Variants in DAG1 observed in about 807,000 individuals in gnomAD.
The protein encoded by DAG1 is dystroglycan 1 (dystrophin-associated glycoprotein 1).
Under a neutral mutation model 46.1 loss-of-function variants are expected in DAG1, and 8 were observed. The ratio of observed to expected loss-of-function variants is 0.17; its 90% confidence interval spans 0.10 to 0.31. DAG1 has a LOEUF of 0.31. Ranked by LOEUF, DAG1 falls within the 10% of genes least tolerant of loss-of-function variation. The probability of loss-of-function intolerance (pLI) is 1.00; values close to 1 mark genes in which losing one functional copy is unlikely to be tolerated. For synonymous variants in DAG1, 495 were observed against 481.8 expected (o/e 1.03, Z -0.36); for missense variants, 1,003 against 1,189.9 (o/e 0.84, Z 2.31).
intron 1 of DAG1, among the ~76,000 whole-genome samples, chr3:49,504,963 G>GTCGTCT (rs1559561022): frequency 8.3e-6 from 1 of 119,770 alleles, no homozygotes. Context: ...CACCATTACA[G>GTCGTCT]TCTTCTTCTT....
chr3:49,530,952 G>T lies in DAG1; in HGVS notation c.441G>T (p.Gln147His), dbSNP rs2051324663. The stretch of plus-strand genomic sequence containing the variant: ...GGGCCAACGGGAGCCACATCCCCCA[G>T]ACCTCCAGTGTGTTCTCCATCGAGG... ...RLGANGSHIP[Q>H]TSSVFSIEVY... The change falls in exon 3 of 3, where the codon CAG becomes CAT. Residue 147 changes from glutamine to histidine, a missense_variant. Gln to His is a conservative substitution (Grantham distance 24). Around this residue, in one of 3 missense-constraint regions of DAG1, gnomAD observed 196 missense variants for 239.1 expected, o/e 0.82. Transcript: ENST00000308775. The T allele has an allele frequency of 6.2e-7, 1 of 1,614,146 alleles. No individual in the cohort carries two copies. The highest frequency in any genetic ancestry group is 8.5e-7 in the Non-Finnish European group (1 of 1,180,006).
chr3:49,472,459 G>A (rs982159658), intron 1 of DAG1, among the ~76,000 whole-genome samples: 3 of 152,144 alleles, frequency 2.0e-5, no homozygotes, highest in African/African-American at 7.2e-5. Context: ...GGACCACTTA[G>A]GGACCACTTA....
chr3:49,510,839 A>G lies in DAG1; in HGVS notation c.285+20A>G, dbSNP rs780990118. On this transcript the variant is annotated intron_variant, in intron 2 of 2. Transcript: ENST00000308775. ...ATCAAGGTGAGACTGGATATAAAGC[A>G]TAAATGAGGAAGAGTTCTCATTTTC... 8 of 1,613,722 alleles carry G rather than the reference A, an allele frequency of 5.0e-6. No homozygotes were observed. Among genetic ancestry groups the G allele is most frequent in the East Asian group, 4.5e-5 (2 of 44,884 alleles).
At chr3:49,529,212 A>T (rs1183806929) in intron 2 of DAG1, among the ~76,000 whole-genome samples, 1 of 151,904 alleles carries the variant, frequency 6.6e-6, no homozygotes, top group African/African-American at 2.4e-5. Flanking sequence ...TTTTTTTTGA[A>T]ATAGAGATGG....
In DAG1 at chr3:49,514,748, C is replaced by A. The variant is rs545369739; in HGVS notation, c.285+3929C>A. 3.6e-4 allele frequency among the ~76,000 whole-genome samples: 54 copies of A among 151,516 alleles called. No individual in the cohort carries two copies. The South Asian group carries it at 9.8e-3, about 28-fold the overall frequency. ...CCGCCTCCCGGGTTCAAGCGATTCTCCTGCCTCAGCCTCCTGAGTAGCTGG... is the reference window on the plus strand; with the variant it reads ...CCGCCTCCCGGGTTCAAGCGATTCTACTGCCTCAGCCTCCTGAGTAGCTGG... On this transcript the variant is annotated intron_variant, in intron 2 of 2. Transcript: ENST00000308775.
intron 1 of DAG1, among the ~76,000 whole-genome samples, chr3:49,490,822 A>T (rs995708116): frequency 6.7e-6 from 1 of 149,438 alleles, no homozygotes; most frequent in Admixed American, 6.7e-5. Context: ...TGCCCTTCTC[A>T]GCCTCCCAAA....
chr3:49,526,209 G>T (rs1171021234), intron 2 of DAG1, among the ~76,000 whole-genome samples: 1 of 152,154 alleles, frequency 6.6e-6, no homozygotes, highest in African/African-American at 2.4e-5. Context: ...AGCACTAGGG[G>T]GGTGGTACTA....
chr3:49,487,653 C>T (rs2050070434), intron 1 of DAG1, among the ~76,000 whole-genome samples: 1 of 148,174 alleles, frequency 6.7e-6, no homozygotes, highest in African/African-American at 2.5e-5. Flanking sequence ...AACAGTACTA[C>T]ATATTTGTTA....
chr3:49,483,682 TTTG>T (rs774447121), intron 1 of DAG1, among the ~76,000 whole-genome samples: 10 of 114,038 alleles, frequency 8.8e-5, no homozygotes, highest in Non-Finnish European at 1.5e-4. Flanking sequence ...TTGTGTTTTC[TTTG>T]TTTTTTGAGA....
At chr3:49,511,121 G>A (rs1559565131) in intron 2 of DAG1, 1 of 371,366 alleles carries the variant, frequency 2.7e-6, no homozygotes, top group Non-Finnish European at 3.7e-6. Context: ...ATAGGGAAAG[G>A]TTACCTTTAA....
rs199654893 is a variant in DAG1, at chr3:49,530,973, C to G, written c.462C>G (p.Ile154Met). The change falls in exon 3 of 3, where the codon ATC (isoleucine) becomes ATG (methionine). Residue 154 changes from isoleucine (I) to methionine (M), a missense_variant. By Grantham distance (10) the Ile-to-Met change is conservative. Transcript: ENST00000308775. The part of the protein sequence containing the change: ...HIPQTSSVFS[I>M]EVYPEDHSEL... ...CCCAGACCTCCAGTGTGTTCTCCATCGAGGTCTACCCTGAAGACCACAGTG... is the reference window on the plus strand; with the variant it reads ...CCCAGACCTCCAGTGTGTTCTCCATGGAGGTCTACCCTGAAGACCACAGTG... 2 of 1,614,144 alleles carry G rather than the reference C, an allele frequency of 1.2e-6. No homozygotes were observed. The highest frequency in any genetic ancestry group is 1.7e-5 in the Admixed American group (1 of 60,020).
At chr3:49,478,583 G>A (rs1286468308) in intron 1 of DAG1, among the ~76,000 whole-genome samples, 3 of 106,340 alleles carry the variant, frequency 2.8e-5, no homozygotes, top group Non-Finnish European at 5.3e-5. Flanking sequence ...TTGCCATGTT[G>A]CCCACGCTGG....
intron 1 of DAG1, among the ~76,000 whole-genome samples, chr3:49,486,126 G>T (rs2050017088): frequency 6.6e-6 from 1 of 151,988 alleles, no homozygotes; most frequent in Non-Finnish European, 1.5e-5. Context: ...CAGAAGCCAG[G>T]GTGGTGAGGG....
At position 49,532,543 on chromosome 3, in the gene DAG1, A is replaced by C; in HGVS notation, c.2032A>C (p.Ser678Arg). 1 of 1,613,594 alleles carries C rather than the reference A, an allele frequency of 6.2e-7. No homozygotes were observed. Among genetic ancestry groups the C allele is most frequent in the African/African-American group, 1.3e-5 (1 of 75,040 alleles). ...PCPKEQIAGL[S>R]RRIAEDDGKP... Reference sequence around the variant, plus strand: ...CCCCAAGGAGCAGATCGCTGGGCTGAGCCGCCGGATCGCTGAGGATGATGG... The same window carrying C: ...CCCCAAGGAGCAGATCGCTGGGCTGCGCCGCCGGATCGCTGAGGATGATGG... The change falls in exon 3 of 3, where the codon AGC becomes CGC. Residue 678 changes from serine (S) to arginine (R), a missense_variant. Ser to Arg is a moderately radical substitution (Grantham distance 110). Transcript: ENST00000308775. The surrounding 1 kb of genome is among the most constrained non-coding windows in gnomAD (Gnocchi z 5.4).
At chr3:49,472,343 G>C (rs775660288) in intron 1 of DAG1, among the ~76,000 whole-genome samples, 1 of 152,110 alleles carries the variant, frequency 6.6e-6, no homozygotes, top group Admixed American at 6.6e-5. Context: ...GCATGGGCCA[G>C]AAGACCAAGC....
intron 1 of DAG1, among the ~76,000 whole-genome samples, chr3:49,502,729 C>T (rs1299532240): frequency 6.6e-6 from 1 of 151,402 alleles, no homozygotes; most frequent in African/African-American, 2.4e-5. Flanking sequence ...AGCTCCGCCT[C>T]CCGGGTTCAC....
intron 1 of DAG1, among the ~76,000 whole-genome samples, chr3:49,478,308 A>G (rs1295157023): frequency 2.0e-5 from 3 of 150,076 alleles, no homozygotes; most frequent in Non-Finnish European, 4.4e-5. Context: ...AGTGGAAAGA[A>G]AAGAGAAAAG....
intron 1 of DAG1, among the ~76,000 whole-genome samples, chr3:49,471,876 T>C (rs893364104): frequency 2.0e-5 from 3 of 152,182 alleles, no homozygotes; most frequent in African/African-American, 4.8e-5. Flanking sequence ...CCATGATTAA[T>C]AGTGTCTGCC....
intron 1 of DAG1, among the ~76,000 whole-genome samples, chr3:49,480,836 A>G (rs1202201908): frequency 1.1e-4 from 13 of 120,186 alleles, no homozygotes; most frequent in African/African-American, 3.8e-4. Flanking sequence ...ATCTCGGCTC[A>G]CTGCAAGCTC....
Sources: gnomAD v4.1 joint callset for allele counts (sites outside exome capture counted in the v4.1 genomes callset) on GRCh38, gnomAD v4.1.1 for gene constraint, gnomAD v4.1.1 regional missense constraint, Gnocchi (gnomAD v3.1) non-coding constraint, MANE v1.5 for transcripts, NCBI Gene and HGNC (gene_info 2026-07-23, HGNC 2026-07-21) for gene names.